IQCM: variants seen among roughly 807,000 people sequenced by gnomAD.
IQCM encodes the protein IQ motif containing M, also known as IQ domain-containing protein M.
A neutral mutation model predicts 57.6 loss-of-function variants in IQCM; 45 were observed. The ratio of observed to expected loss-of-function variants is 0.78; its 90% CI spans 0.62 to 1.00. IQCM has a LOEUF of 1.00. IQCM is among the 50% of genes least tolerant of loss of function. The pLI is 0.00. For synonymous variants in IQCM, 148 were observed against 158.9 expected (o/e 0.93, Z 0.51); for missense variants, 468 against 511.6 (o/e 0.91, Z 0.82).
At chr4:149,467,057 G>A (rs890022475) in intron 12 of IQCM, among the ~76,000 whole-genome samples, 1 of 152,042 alleles carries the variant, frequency 6.6e-6, no homozygotes, top group African/African-American at 2.4e-5. Flanking sequence ...CTTTTGGGGG[G>A]GCACATATTT....
intron 5 of IQCM, among the ~76,000 whole-genome samples, chr4:149,729,587 G>T (rs563611695): frequency 6.6e-6 from 1 of 152,050 alleles, no homozygotes; most frequent in Non-Finnish European, 1.5e-5. Context: ...CGATTCTCCT[G>T]CCTCAGCCTC....
At chr4:149,692,234 T>C (rs999405451) in intron 5 of IQCM, among the ~76,000 whole-genome samples, 1 of 152,100 alleles carries the variant, frequency 6.6e-6, no homozygotes, top group Non-Finnish European at 1.5e-5. Flanking sequence ...CACACTGTGA[T>C]TGATGTAGGG....
chr4:149,357,882 T>C (rs1442434420), intron 13 of IQCM, among the ~76,000 whole-genome samples: 1 of 152,190 alleles, frequency 6.6e-6, no homozygotes, highest in East Asian at 1.9e-4. Context: ...TCCTGGAATT[T>C]TTTTGGTTGG....
At chr4:149,709,218 T>G (rs1162129197) in intron 5 of IQCM, among the ~76,000 whole-genome samples, 1 of 152,074 alleles carries the variant, frequency 6.6e-6, no homozygotes, top group Non-Finnish European at 1.5e-5. Context: ...ACTAGAACAT[T>G]AGCTTTCAGA....
chr4:149,548,012 A>C (rs1051931925), intron 12 of IQCM, among the ~76,000 whole-genome samples: 7 of 152,124 alleles, frequency 4.6e-5, no homozygotes, highest in African/African-American at 1.4e-4. Flanking sequence ...TTTTCTGTGA[A>C]AGTCTATTAT....
chr4:149,388,006 T>C (rs1328417291), intron 13 of IQCM, among the ~76,000 whole-genome samples: 1 of 152,084 alleles, frequency 6.6e-6, no homozygotes, highest in Non-Finnish European at 1.5e-5. Flanking sequence ...CTTCAAAGCA[T>C]GCATCAATAC....
chr4:149,677,004 A>G (rs1040618042), intron 7 of IQCM, among the ~76,000 whole-genome samples: 1 of 152,190 alleles, frequency 6.6e-6, no homozygotes, highest in Admixed American at 6.6e-5. Flanking sequence ...AACTTCATGT[A>G]GGCAGTAAGA....
chr4:149,457,838 T>G (rs1467110485), intron 12 of IQCM, among the ~76,000 whole-genome samples: 4 of 152,044 alleles, frequency 2.6e-5, no homozygotes, highest in Admixed American at 6.6e-5. Context: ...TATATGTATT[T>G]TAAGAGGGAG....
intron 2 of IQCM, among the ~76,000 whole-genome samples, chr4:149,765,831 C>A (rs78115622): frequency 0.035 from 5,341 of 152,034 alleles, 284 homozygotes; most frequent in African/African-American, 0.11. Context: ...TAGCAACGGA[C>A]TGAAACCACC....
intron 12 of IQCM, among the ~76,000 whole-genome samples, chr4:149,496,208 A>T (rs1463855392): frequency 6.6e-6 from 1 of 152,144 alleles, no homozygotes; most frequent in Non-Finnish European, 1.5e-5. Flanking sequence ...AACAATTTTT[A>T]GCCCAACCCA....
intron 13 of IQCM, among the ~76,000 whole-genome samples, chr4:149,407,750 G>T (rs1201833457): frequency 6.6e-6 from 1 of 152,086 alleles, no homozygotes; most frequent in Non-Finnish European, 1.5e-5. Context: ...CAGTCAGTTT[G>T]GAACAGTTGA....
intron 8 of IQCM, among the ~76,000 whole-genome samples, chr4:149,588,555 A>G (rs376980981): frequency 3.3e-5 from 5 of 151,860 alleles, no homozygotes; most frequent in African/African-American, 1.2e-4. Context: ...TAATGAAGTA[A>G]CTATGGCTGA....
intron 7 of IQCM, among the ~76,000 whole-genome samples, chr4:149,640,879 C>T (rs1344055891): frequency 6.6e-6 from 1 of 152,146 alleles, no homozygotes; most frequent in East Asian, 1.9e-4. Flanking sequence ...TATATAATCC[C>T]AGCACTTTAG....
intron 13 of IQCM, among the ~76,000 whole-genome samples, chr4:149,372,405 T>G (rs1194063302): frequency 6.6e-6 from 1 of 152,144 alleles, no homozygotes; most frequent in African/African-American, 2.4e-5. Flanking sequence ...CTAGGGGATG[T>G]GCCTGCTAAA....
At chr4:149,546,136 A>C (rs1458948821) in intron 12 of IQCM, among the ~76,000 whole-genome samples, 1 of 152,182 alleles carries the variant, frequency 6.6e-6, no homozygotes, top group Non-Finnish European at 1.5e-5. Flanking sequence ...TGTCCCTACA[A>C]AGGACATGAA....
In IQCM at chr4:149,665,784, G is replaced by A. The variant is rs551251666; in HGVS notation, c.565+16334C>T. On this transcript the variant is annotated intron_variant, in intron 7 of 13. Coordinates refer to ENST00000636793, the MANE Select transcript of IQCM (RefSeq NM_001363507.2). ...ATTGGCAGACCCACCCTCAATCTGG[G>A]TAGGCACCGTCTAATCAGCTGCCAG... Among the ~76,000 whole-genome samples the A allele has an allele frequency of 5.9e-5, 9 of 152,246 alleles. No homozygotes were observed. In the East Asian group the frequency reaches 1.6e-3, roughly 26 times the overall value.
intron 7 of IQCM, among the ~76,000 whole-genome samples, chr4:149,667,652 T>C (rs973575991): frequency 2.0e-5 from 3 of 151,992 alleles, no homozygotes; most frequent in African/African-American, 7.2e-5. Flanking sequence ...GAGCATGTTC[T>C]AACCCAATGC....
intron 2 of IQCM, among the ~76,000 whole-genome samples, chr4:149,797,968 T>C (rs1474711782): frequency 6.6e-6 from 1 of 151,552 alleles, no homozygotes; most frequent in African/African-American, 2.4e-5. Context: ...AAAAAAGACA[T>C]TAATGAGCAA....
intron 7 of IQCM, among the ~76,000 whole-genome samples, chr4:149,623,513 T>C (rs945380435): frequency 6.6e-6 from 1 of 152,216 alleles, no homozygotes; most frequent in African/African-American, 2.4e-5. Context: ...CATACTGATG[T>C]ATGCTAATGA....
Sources: allele counts gnomAD v4.1 joint callset (sites outside exome capture counted in the v4.1 genomes callset), GRCh38; gene constraint gnomAD v4.1.1; transcripts MANE v1.5; gene names NCBI Gene and HGNC (gene_info 2026-07-23, HGNC 2026-07-21).